The following REXO5 variants were observed in gnomAD, a reference collection of about 807,000 sequenced individuals.
The protein encoded by REXO5 is RNA exonuclease 5, also known as exonuclease NEF-sp.
REXO5 carries 48 observed loss-of-function variants against 88.5 expected under a neutral mutation model. The ratio of observed to expected loss-of-function variants is 0.54; its 90% CI spans 0.43 to 0.69. REXO5 has a LOEUF of 0.69. REXO5 is among the 30% of genes least tolerant of loss of function. REXO5 has a pLI of 0.00. For missense variants in REXO5, 749 were observed against 912.2 expected, an observed-to-expected ratio of 0.82 and a Z score of 2.30; for synonymous variants, 311 against 336.5, an observed-to-expected ratio of 0.92 and a Z score of 0.83.
intron 16 of REXO5, 60 bp downstream of exon 16, chr16:20,844,086 T>TAGTG: frequency 2.0e-6 from 2 of 1,014,226 alleles, no homozygotes; most frequent in East Asian, 2.4e-5. Context: ...CCTGTATTTA[T>TAGTG]AGTGCCCCAG....
intron 13 of REXO5, 113 bp downstream of exon 13, chr16:20,833,236 G>C: frequency 8.8e-7 from 1 of 1,140,510 alleles, no homozygotes; most frequent in Admixed American, 2.6e-5. Context: ...GCTACAGTTA[G>C]CAAGCCTGGC....
chr16:20,814,493 C>T (rs1219336156), intron 3 of REXO5, among the ~76,000 whole-genome samples: 3 of 152,106 alleles, frequency 2.0e-5, no homozygotes, highest in African/African-American at 7.2e-5. Flanking sequence ...CCACCTGCCT[C>T]GGCCTCCCAA....
intron 11 of REXO5, among the ~76,000 whole-genome samples, chr16:20,830,469 T>G (rs1285078343): frequency 6.6e-6 from 1 of 152,088 alleles, no homozygotes; most frequent in East Asian, 1.9e-4. Flanking sequence ...GTGCTGGGAT[T>G]ACAGGCATGA....
intron 13 of REXO5, among the ~76,000 whole-genome samples, chr16:20,837,142 C>T (rs868145585): frequency 3.3e-5 from 5 of 152,124 alleles, no homozygotes; most frequent in Non-Finnish European, 7.3e-5. Flanking sequence ...GGTAACTCTA[C>T]TCTTTGTTAT....
At position 20,847,577 on chromosome 16, in the gene REXO5, G is replaced by A. The variant is rs190842442; in HGVS notation, c.2243+1238G>A. 5.9e-5 allele frequency among the ~76,000 whole-genome samples: 9 copies of A among 152,206 alleles called. No individual in the cohort carries two copies. In the East Asian group the frequency reaches 1.7e-3, roughly 29 times the overall value. On this transcript the variant is annotated intron_variant, in intron 19 of 19. Coordinates refer to ENST00000261377, the MANE Select transcript of REXO5 (RefSeq NM_030941.3). ...TGCATCTGAGGACCATTAGGGAGATGGTCTACCTACTGGGCACCTTTGAAA... is the reference window on the plus strand; with the variant it reads ...TGCATCTGAGGACCATTAGGGAGATAGTCTACCTACTGGGCACCTTTGAAA...
In REXO5 at chr16:20,849,538, A is replaced by C. The variant is rs1000784025; in HGVS notation, c.*58A>C. ...TACCCCTTGTAGGCAATGGCAAAGAATGTGGTCAGGCTGTAGCCTCCCCAA... is the reference window on the plus strand; with the variant it reads ...TACCCCTTGTAGGCAATGGCAAAGACTGTGGTCAGGCTGTAGCCTCCCCAA... On this transcript the variant is annotated 3_prime_UTR_variant, in exon 20 of 20. Coordinates refer to ENST00000261377, the MANE Select transcript of REXO5 (RefSeq NM_030941.3). 4 of 1,504,344 alleles carry C rather than the reference A, an allele frequency of 2.7e-6. No homozygotes were observed. In the African/African-American group the frequency reaches 5.5e-5, roughly 21 times the overall value. The allele number at this position is 1,504,344 out of a possible 1,614,324, so 93.2% of individuals were successfully genotyped here. A position where few individuals can be genotyped will look rare whatever the true frequency, so the allele number is the denominator to read the frequency against.
chr16:20,827,597 T>C lies in REXO5; in HGVS notation c.1055+150T>C, dbSNP rs2081278992. The C allele has an allele frequency of 6.2e-6, 4 of 640,158 alleles. No individual in the cohort carries two copies. In the East Asian group the frequency reaches 8.2e-5, roughly 13 times the overall value. 39.7% of individuals were successfully genotyped at this position (640,158 alleles called of 1,614,324 possible). On this transcript the variant is annotated intron_variant, in intron 10 of 19. Coordinates refer to ENST00000261377, the MANE Select transcript of REXO5 (RefSeq NM_030941.3). ...TTGCATTTCTTATGAAATGAAGAAA[T>C]TGTAGCAATAGAGACAGGGGTTTAC...
intron 15 of REXO5, among the ~76,000 whole-genome samples, chr16:20,842,768 A>G (rs918301165): frequency 1.3e-5 from 2 of 151,982 alleles, no homozygotes; most frequent in Non-Finnish European, 1.5e-5. Context: ...GGTTGTTTCT[A>G]CCTTTGACTA....
chr16:20,821,759 C>T lies in REXO5; in HGVS notation c.476-3C>T. 5 of 1,566,484 alleles carry T rather than the reference C, an allele frequency of 3.2e-6. No homozygotes were observed. The South Asian group carries it at 6.0e-5, about 19-fold the overall frequency. On this transcript the variant is annotated splice_polypyrimidine_tract_variant and splice_region_variant and intron_variant, in intron 5 of 19. Transcript: ENST00000261377. ...AATATACGTTCAATTGTTTTTCTTT[C>T]AGGGCCTTTACCTTCTAATGCAAAA... is the stretch of plus-strand genomic sequence containing the variant.
At chr16:20,843,898 GA>G in intron 15 of REXO5, 35 bp from the exon 16 acceptor site, 1 of 1,453,458 alleles carries the variant, frequency 6.9e-7, no homozygotes, top group South Asian at 1.2e-5. Context: ...GTTTGAGCTG[GA>G]AAGCAATGAT....
intron 5 of REXO5, among the ~76,000 whole-genome samples, chr16:20,818,207 G>A (rs2081110590): frequency 6.6e-6 from 1 of 151,876 alleles, no homozygotes; most frequent in Admixed American, 6.6e-5. Context: ...TTTCTTCAAA[G>A]CCCTTATCTT....
At chr16:20,816,982 C>T (rs2081090663) in intron 5 of REXO5, among the ~76,000 whole-genome samples, 1 of 152,044 alleles carries the variant, frequency 6.6e-6, no homozygotes, top group South Asian at 2.1e-4. Context: ...TGGGTTGTGT[C>T]CTATTGGTAA....
At chr16:20,816,590 C>G (rs1368451232) in intron 5 of REXO5, among the ~76,000 whole-genome samples, 1 of 152,148 alleles carries the variant, frequency 6.6e-6, no homozygotes, top group Non-Finnish European at 1.5e-5. Flanking sequence ...ATCTTCCCAC[C>G]TTGGCTTCCC....
intron 13 of REXO5, among the ~76,000 whole-genome samples, chr16:20,835,057 TG>T (rs1360397675): frequency 6.6e-6 from 1 of 152,260 alleles, no homozygotes. Flanking sequence ...TATATATTTT[TG>T]TATTTCTATA....
chr16:20,827,343 T>G lies in REXO5; in HGVS notation c.961-10T>G, dbSNP rs1777848526. 2 of 1,610,254 alleles carry G rather than the reference T, an allele frequency of 1.2e-6. No individual in the cohort carries two copies. The highest frequency in any genetic ancestry group is 1.3e-5 in the African/African-American group (1 of 74,818). ...AAGACACTACTCATTTTATTCTCTTTCTTCCTCAGATGATACATCCATATG... is the reference window on the plus strand; with the variant it reads ...AAGACACTACTCATTTTATTCTCTTGCTTCCTCAGATGATACATCCATATG... On this transcript the variant is annotated splice_polypyrimidine_tract_variant and intron_variant, in intron 9 of 19. Transcript: ENST00000261377.
chr16:20,840,119 G>T, intron 14 of REXO5: 1 of 523,142 alleles, frequency 1.9e-6, no homozygotes. Context: ...GTTTTTAATG[G>T]CTACATAGTA....
chr16:20,828,483 T>C lies in REXO5; in HGVS notation c.1104T>C (p.Asp368=). The change falls in exon 11 of 20, where the codon GAT becomes GAC. Residue 368 remains aspartate, a synonymous_variant. Transcript: ENST00000261377. ...PDRLGHDATE[D]ARTILELARY... is the part of the protein sequence containing the mutation. ...GACTTGGTCATGATGCCACAGAAGA[T>C]GCTAGAACAATCCTTGAATTGGCTC... 6.2e-7 allele frequency: 1 copy of C among 1,614,100 alleles called. No homozygotes were observed. The highest frequency in any genetic ancestry group is 8.5e-7 in the Non-Finnish European group (1 of 1,179,962).
intron 2 of REXO5, among the ~76,000 whole-genome samples, chr16:20,810,967 A>T (rs1338393369): frequency 1.3e-5 from 2 of 152,042 alleles, no homozygotes; most frequent in Admixed American, 1.3e-4. Flanking sequence ...ACAGGCCACT[A>T]CTGTCCCTCA....
Position 20,813,234 on chromosome 16 carries a change from A to G in REXO5, c.183A>G (p.Val61=). 1 of 1,614,130 alleles carries G rather than the reference A, an allele frequency of 6.2e-7. No individual in the cohort carries two copies. The highest frequency in any genetic ancestry group is 8.5e-7 in the Non-Finnish European group (1 of 1,179,990). The change falls in exon 3 of 20, where the codon GTA becomes GTG. Residue 61 remains valine (V), a synonymous_variant. Coordinates refer to ENST00000261377, the MANE Select transcript of REXO5 (RefSeq NM_030941.3). ...TTTTATTTACTGACAACTGTGAAGT[A>G]ACCCATGACCAGCTGTGTGAATTGC... is the stretch of plus-strand genomic sequence containing the variant. The part of the protein sequence containing the change: ...STILFTDNCE[V]THDQLCELLK...
Sources: allele counts gnomAD v4.1 joint callset (sites outside exome capture counted in the v4.1 genomes callset), GRCh38; gene constraint gnomAD v4.1.1; transcripts MANE v1.5; gene names NCBI Gene and HGNC (gene_info 2026-07-23, HGNC 2026-07-21).